The following LIME1 variants were observed in gnomAD, a reference collection of about 807,000 sequenced individuals.
LIME1 encodes the protein Lck interacting transmembrane adaptor 1.
Under a neutral mutation model 18.8 loss-of-function variants are expected in LIME1, and 23 were observed. The observed-to-expected ratio is 1.22, with a 90% CI of 0.88 to 1.73. The LOEUF (loss-of-function observed/expected upper bound fraction) is 1.73, where lower values mean the gene tolerates loss of function less well. Ranked by LOEUF, LIME1 falls within the 40% of genes most tolerant of loss-of-function variation. LIME1 has a pLI of 0.00. For synonymous variants in LIME1, 177 were observed against 182.3 expected, an observed-to-expected ratio of 0.97 and a Z score of 0.23; for missense variants, 423 against 396.8, an observed-to-expected ratio of 1.07 and a Z score of -0.56.
intron 1 of LIME1, chr20:63,737,233 C>T: frequency 1.7e-6 from 2 of 1,145,960 alleles, no homozygotes. Context: ...ACTATCTGGG[C>T]TATGGTGGCC....
rs774763042 is a variant in LIME1, at chr20:63,736,703, C to T, written c.-27C>T. ...CCAGACAGAGCTGAGGACCCCTGGC[C>T]GTGGGCTTGGTAAGTGCCCTCCTGG... is the stretch of plus-strand genomic sequence containing the variant. On this transcript the variant is annotated 5_prime_UTR_variant, in exon 1 of 6. Coordinates refer to ENST00000309546, the MANE Select transcript of LIME1 (RefSeq NM_017806.4). 6.0e-5 allele frequency: 59 copies of T among 985,498 alleles called. No homozygotes were observed. Among genetic ancestry groups the T allele is most frequent in the Middle Eastern group, 5.2e-4 (1 of 1,936 alleles). The allele number at this position is 985,498 out of a possible 1,614,324, so 61.0% of individuals were successfully genotyped here. A position where few individuals can be genotyped will look rare whatever the true frequency, so the allele number is the denominator to read the frequency against.
In LIME1 at chr20:63,738,255, A is replaced by T; in HGVS notation, c.341A>T (p.Gln114Leu). ...GTGTCCAGGGACATCACCGGACCGC[A>T]GGCAGCCCCCTCTGCCTTCCCACAC... ...LEVSRDITGP[Q>L]AAPSAFPHQE... The change falls in exon 5 of 6, where the codon CAG becomes CTG. Residue 114 changes from glutamine to leucine, a missense_variant. By Grantham distance (113) the Gln-to-Leu change is moderately radical. Coordinates refer to ENST00000309546, the MANE Select transcript of LIME1 (RefSeq NM_017806.4). The T allele has an allele frequency of 2.5e-6, 4 of 1,589,338 alleles. No homozygotes were observed. The highest frequency in any genetic ancestry group is 2.6e-6 in the Non-Finnish European group (3 of 1,172,974).
intron 1 of LIME1, chr20:63,737,304 A>T (rs1311055925): frequency 7.9e-7 from 1 of 1,261,274 alleles, no homozygotes; most frequent in East Asian, 3.3e-5. Context: ...CCGCAGGGAC[A>T]CGGAGGGGCC....
Position 63,736,702 on chromosome 20 carries a change from C to T in LIME1, c.-28C>T, listed in dbSNP as rs2091993395. ...CCCAGACAGAGCTGAGGACCCCTGG[C>T]CGTGGGCTTGGTAAGTGCCCTCCTG... On this transcript the variant is annotated 5_prime_UTR_variant, in exon 1 of 6. Transcript: ENST00000309546. The T allele has an allele frequency of 1.3e-5, 13 of 985,550 alleles. No individual in the cohort carries two copies. Among genetic ancestry groups the T allele is most frequent in the Non-Finnish European group, 1.6e-5 (13 of 830,120 alleles). 61.1% of individuals were successfully genotyped at this position (985,550 alleles called of 1,614,324 possible). A position where few individuals can be genotyped will look rare whatever the true frequency, so the allele number is the denominator to read the frequency against.
At position 63,739,102 on chromosome 20, in the gene LIME1, C is replaced by G; in HGVS notation, c.*202C>G. The stretch of plus-strand genomic sequence containing the variant: ...ATAAAGCGCCAGCGCAGGATGAAAG[C>G]GGCCAGCCTCGCAGCCTGCTCTTCT... On this transcript the variant is annotated 3_prime_UTR_variant, in exon 6 of 6. Transcript: ENST00000309546. The G allele has an allele frequency of 1.9e-6, 1 of 515,118 alleles. No individual in the cohort carries two copies. Among genetic ancestry groups the G allele is most frequent in the Non-Finnish European group, 3.4e-6 (1 of 295,560 alleles). 31.9% of individuals were successfully genotyped at this position (515,118 alleles called of 1,614,324 possible).
chr20:63,737,686 C>T, intron 2 of LIME1, 39 bp downstream of exon 2: 2 of 1,506,112 alleles, frequency 1.3e-6, no homozygotes, highest in Non-Finnish European at 1.8e-6. Flanking sequence ...GGCCTCGCTG[C>T]GGCTGCCATT....
chr20:63,738,162 C>G, intron 4 of LIME1, 21 bp from the exon 5 acceptor site: 1 of 1,549,466 alleles, frequency 6.5e-7, no homozygotes, highest in Non-Finnish European at 8.7e-7. Flanking sequence ...GGAGTGAACT[C>G]TGCCCTGACC....
At chr20:63,736,749 G>A (rs886503847) in intron 1 of LIME1, 37 bp downstream of exon 1, 1 of 985,774 alleles carries the variant, frequency 1.0e-6, no homozygotes, top group Non-Finnish European at 1.2e-6. Flanking sequence ...GGGTCTGGGA[G>A]GCCTTGGGAT....
upstream of LIME1, chr20:63,736,646 C>G (rs1464176751): frequency 3.0e-6 from 3 of 985,844 alleles, no homozygotes; most frequent in Non-Finnish European, 3.6e-6. Flanking sequence ...GGAGCTCAGC[C>G]GAGGGCTGCA....
chr20:63,738,948 G>GC lies in LIME1; in HGVS notation c.*52dup. The GC allele has an allele frequency of 7.1e-7, 1 of 1,406,336 alleles. No homozygotes were observed. The highest frequency in any genetic ancestry group is 9.4e-7 in the Non-Finnish European group (1 of 1,059,644). 87.1% of individuals were successfully genotyped at this position (1,406,336 alleles called of 1,614,324 possible). The stretch of plus-strand genomic sequence containing the variant: ...TCCTCCAGAGTGAGGCCCGTCCCCC[G>GC]CCCCGCCCCGCCTCACAGCTGACAG... On this transcript the variant is annotated 3_prime_UTR_variant, in exon 6 of 6. Transcript: ENST00000309546.
chr20:63,738,662 C>T lies in LIME1; in HGVS notation c.650C>T (p.Pro217Leu), dbSNP rs777934071. ...AGGGACCCAGGACCCACCACAGACCCGCTGGACCCCAAGGGCCAGGGAGCG... is the reference window on the plus strand; with the variant it reads ...AGGGACCCAGGACCCACCACAGACCTGCTGGACCCCAAGGGCCAGGGAGCG... ...KRRDPGPTTD[P>L]LDPKGQGAIL... The change falls in exon 6 of 6, where the codon CCG (proline) becomes CTG (leucine). Residue 217 changes from proline to leucine, a missense_variant. By Grantham distance (98) the Pro-to-Leu change is moderately conservative. Coordinates refer to ENST00000309546, the MANE Select transcript of LIME1 (RefSeq NM_017806.4). 11 of 1,611,618 alleles carry T rather than the reference C, an allele frequency of 6.8e-6. No homozygotes were observed. The South Asian group carries it at 7.7e-5, about 11-fold the overall frequency.
Position 63,737,831 on chromosome 20 carries a change from G to T in LIME1, c.109G>T (p.Ala37Ser). ...ACCTCTACCCCCAAGGCCCGAGGACGCTGTAGCCCCCAGGAAGAGGGCGCG... is the reference window on the plus strand; with the variant it reads ...ACCTCTACCCCCAAGGCCCGAGGACTCTGTAGCCCCCAGGAAGAGGGCGCG... ...LCTACRRPED[A>S]VAPRKRARRQ... Residue 37 changes from alanine to serine, a missense_variant, in exon 3 of 6, where the codon GCT becomes TCT. Physicochemically the swap from Ala to Ser is moderately conservative, Grantham distance 99 (BLOSUM62 1). Transcript: ENST00000309546. The T allele has an allele frequency of 6.7e-7, 1 of 1,494,524 alleles. No individual in the cohort carries two copies. Among genetic ancestry groups the T allele is most frequent in the East Asian group, 2.5e-5 (1 of 40,348 alleles). The allele number at this position is 1,494,524 out of a possible 1,614,324, so 92.6% of individuals were successfully genotyped here. A position where few individuals can be genotyped will look rare whatever the true frequency, so the allele number is the denominator to read the frequency against.
rs773248299 is a variant in LIME1 at position 63,738,858 on chromosome 20, C to A, written c.846C>A (p.Ser282Arg). Reference sequence around the variant, plus strand: ...CGCCCCCTGCTTCCAGCTGCCCCAGCCTAGGGAGGGGCTGGAGACCCCTCC... The same window carrying A: ...CGCCCCCTGCTTCCAGCTGCCCCAGACTAGGGAGGGGCTGGAGACCCCTCC... ...AGTPPASSCP[S>R]LGRGWRPLPA... The change falls in exon 6 of 6, where the codon AGC becomes AGA. Residue 282 changes from serine to arginine, a missense_variant. Physicochemically the swap from Ser to Arg is moderately radical, Grantham distance 110. Transcript: ENST00000309546. The A allele has an allele frequency of 5.7e-5, 92 of 1,610,006 alleles. 1 individual carries two copies. The South Asian group carries it at 1.0e-3, about 18-fold the overall frequency.
chr20:63,737,805 C>CCCCCCCA lies in LIME1; in HGVS notation c.99-16_99-15insCCCCCCA. 1 of 1,382,698 alleles carries CCCCCCCA rather than the reference C, an allele frequency of 7.2e-7. No individual in the cohort carries two copies. The highest frequency in any genetic ancestry group is 9.6e-7 in the Non-Finnish European group (1 of 1,044,266). 85.7% of individuals were successfully genotyped at this position (1,382,698 alleles called of 1,614,324 possible). A position where few individuals can be genotyped will look rare whatever the true frequency, so the allele number is the denominator to read the frequency against. ...GCTGACGACCCCGCCCCCCGCCCCC[C>CCCCCCCA]ACCTCTACCCCCAAGGCCCGAGGAC... On this transcript the variant is annotated splice_polypyrimidine_tract_variant and intron_variant, in intron 2 of 5. Coordinates refer to ENST00000309546, the MANE Select transcript of LIME1 (RefSeq NM_017806.4).
rs771960419 is a variant in LIME1 at position 63,738,485 on chromosome 20, AC to A, written c.575del (p.Pro192ArgfsTer92). 4.0e-6 allele frequency: 6 copies of A among 1,515,634 alleles called. No individual in the cohort carries two copies. The Admixed American group carries it at 8.8e-5, about 22-fold the overall frequency. 93.9% of individuals were successfully genotyped at this position (1,515,634 alleles called of 1,614,324 possible). Reference protein sequence around the residue: ...QEPQQGKTEVTPAAQVDVLYS... With the variant: ...QEPQQGKTEVXPAAQVDVLYS... ...GCCACAGCAGGGGAAGACTGAGGTG[AC>A]CCCGGCCGCTCAGGTAACGTGGGCC... On this transcript the variant is annotated frameshift_variant, in exon 5 of 6. Transcript: ENST00000309546. LOFTEE classifies it low-confidence loss of function (END_TRUNC).
Position 63,737,801 on chromosome 20 carries a change from C to T in LIME1, c.99-20C>T, listed in dbSNP as rs767376721. The T allele has an allele frequency of 5.9e-5, 81 of 1,372,702 alleles. No individual in the cohort carries two copies. The highest frequency in any genetic ancestry group is 4.8e-6 in the Non-Finnish European group (5 of 1,037,570). 85.0% of individuals were successfully genotyped at this position (1,372,702 alleles called of 1,614,324 possible). A position where few individuals can be genotyped will look rare whatever the true frequency, so the allele number is the denominator to read the frequency against. On this transcript the variant is annotated intron_variant, in intron 2 of 5. Transcript: ENST00000309546. ...CGAGGCTGACGACCCCGCCCCCCGCCCCCCACCTCTACCCCCAAGGCCCGA... is the reference window on the plus strand; with the variant it reads ...CGAGGCTGACGACCCCGCCCCCCGCTCCCCACCTCTACCCCCAAGGCCCGA...
In LIME1 at chr20:63,738,343, C is replaced by T. The variant is rs1317911425; in HGVS notation, c.429C>T (p.Ala143=). ...CCGCAGGGTGCGCTGGCCTCGAGGC[C>T]ACCTATTCCAACGTGGGGCTGGCGG... ...AATAGCAGLE[A]TYSNVGLAAL... is the part of the protein sequence containing the mutation. The change falls in exon 5 of 6, where the codon GCC becomes GCT. Residue 143 remains alanine (A), a synonymous_variant. Transcript: ENST00000309546. The T allele has an allele frequency of 8.3e-6, 13 of 1,557,686 alleles. No individual in the cohort carries two copies. In the East Asian group the frequency reaches 3.1e-4, roughly 37 times the overall value.
Position 63,738,000 on chromosome 20 carries a change from TC to T in LIME1, c.211del (p.Leu71SerfsTer120). On this transcript the variant is annotated frameshift_variant, in exon 4 of 6. Transcript: ENST00000309546. LOFTEE classifies it high-confidence loss of function. ...CCTACTGAGGCGGACCCACCTCTGC[TC>T]CCTCAGCAAGTCGGACACCAGACTG... is the stretch of plus-strand genomic sequence containing the variant. ...ASLLRRTHLC[S>X]LSKSDTRLHE... is the part of the protein sequence containing the mutation. The T allele has an allele frequency of 6.4e-7, 1 of 1,570,502 alleles. No individual in the cohort carries two copies. Among genetic ancestry groups the T allele is most frequent in the Admixed American group, 1.8e-5 (1 of 55,976 alleles).
At chr20:63,736,971 A>G in intron 1 of LIME1, 1 of 985,572 alleles carries the variant, frequency 1.0e-6, no homozygotes, top group Non-Finnish European at 1.2e-6. Flanking sequence ...GGCAGACAAG[A>G]AGAGCCAGAG....
Sources: gnomAD v4.1 joint callset for allele counts on GRCh38, gnomAD v4.1.1 for gene constraint, MANE v1.5 for transcripts, NCBI Gene and HGNC (gene_info 2026-07-23, HGNC 2026-07-21) for gene names.